SGMS1: variants seen among roughly 807,000 people sequenced by gnomAD.
SGMS1 encodes phosphatidylcholine:ceramide cholinephosphotransferase 1.
Under a neutral mutation model 46.2 loss-of-function variants are expected in SGMS1, and 13 were observed. The ratio of observed to expected loss-of-function variants is 0.28; its 90% confidence interval spans 0.18 to 0.45. The LOEUF (loss-of-function observed/expected upper bound fraction) is 0.45. Ranked by LOEUF, SGMS1 falls within the 20% of genes least tolerant of loss-of-function variation. The pLI, the probability that SGMS1 is intolerant of heterozygous loss-of-function variation, is 1.00. For missense variants in SGMS1, 324 were observed against 519.9 expected, an observed-to-expected ratio of 0.62 and a Z score of 3.66; for synonymous variants, 203 against 187.8, an observed-to-expected ratio of 1.08 and a Z score of -0.66.
intron 2 of SGMS1, among the ~76,000 whole-genome samples, chr10:50,558,418 T>A (rs1194412623): frequency 6.6e-6 from 1 of 152,144 alleles, no homozygotes; most frequent in East Asian, 1.9e-4. Flanking sequence ...AGTGAACAGG[T>A]TACTCCTGGC....
At chr10:50,383,515 G>T (rs541663157) in intron 6 of SGMS1, among the ~76,000 whole-genome samples, 1 of 152,050 alleles carries the variant, frequency 6.6e-6, no homozygotes, top group Non-Finnish European at 1.5e-5. Flanking sequence ...AGGAAAGTTT[G>T]GAAAAGGTGG....
At chr10:50,534,353 A>G (rs1342655531) in intron 2 of SGMS1, among the ~76,000 whole-genome samples, 1 of 152,252 alleles carries the variant, frequency 6.6e-6, no homozygotes, top group Non-Finnish European at 1.5e-5. Context: ...CATTGTGGAC[A>G]TTGGCTCAAT....
At chr10:50,359,252 C>G (rs1848206794) in intron 6 of SGMS1, among the ~76,000 whole-genome samples, 4 of 152,150 alleles carry the variant, frequency 2.6e-5, no homozygotes, top group Admixed American at 2.6e-4. Context: ...TTGGTCTCCT[C>G]CACACTGTGT....
intron 2 of SGMS1, among the ~76,000 whole-genome samples, chr10:50,580,916 G>C (rs1033010243): frequency 6.6e-6 from 1 of 152,094 alleles, no homozygotes; most frequent in African/African-American, 2.4e-5. Context: ...ATTTTATGTT[G>C]TGTGTTTTTA....
chr10:50,338,698 C>T (rs1331964946), intron 7 of SGMS1, among the ~76,000 whole-genome samples: 3 of 151,778 alleles, frequency 2.0e-5, no homozygotes, highest in East Asian at 1.9e-4. Flanking sequence ...CAAATGTTAA[C>T]TGAGTCTAAG....
At chr10:50,492,438 A>G (rs1168742400) in intron 3 of SGMS1, among the ~76,000 whole-genome samples, 1 of 152,248 alleles carries the variant, frequency 6.6e-6, no homozygotes, top group Non-Finnish European at 1.5e-5. Context: ...TTAAGCTGAT[A>G]AACAACTTCA....
At chr10:50,550,708 T>C (rs1838141543) in intron 2 of SGMS1, among the ~76,000 whole-genome samples, 1 of 152,166 alleles carries the variant, frequency 6.6e-6, no homozygotes, top group Non-Finnish European at 1.5e-5. Context: ...TTACCTCTGC[T>C]TAAACCCTTG....
chr10:50,374,978 T>G (rs1267739501), intron 6 of SGMS1, among the ~76,000 whole-genome samples: 1 of 152,038 alleles, frequency 6.6e-6, no homozygotes, highest in African/African-American at 2.4e-5. Flanking sequence ...AGGTGAAAAG[T>G]AAGATAATCT....
At chr10:50,495,776 AAG>A (rs1837610150) in intron 3 of SGMS1, among the ~76,000 whole-genome samples, 2 of 151,844 alleles carry the variant, frequency 1.3e-5, no homozygotes, top group Non-Finnish European at 2.9e-5. Flanking sequence ...TAAAAAAAAA[AAG>A]AGCAAAGTTT....
intron 1 of SGMS1, among the ~76,000 whole-genome samples, chr10:50,606,443 CT>C (rs1372882889): frequency 1.3e-5 from 2 of 152,084 alleles, no homozygotes; most frequent in Non-Finnish European, 2.9e-5. Flanking sequence ...GAACTGTATA[CT>C]TAAAAATTGT....
chr10:50,368,538 TA>T (rs1361036059), intron 6 of SGMS1, among the ~76,000 whole-genome samples: 1 of 152,172 alleles, frequency 6.6e-6, no homozygotes, highest in East Asian at 1.9e-4. Context: ...TGTATTTTTG[TA>T]GAGACAGGGT....
At chr10:50,495,089 T>C (rs536056191) in intron 3 of SGMS1, among the ~76,000 whole-genome samples, 1 of 86,822 alleles carries the variant, frequency 1.2e-5, no homozygotes, top group South Asian at 3.4e-4. Flanking sequence ...AAAAAAAAAA[T>C]TAGCCGGACG....
At chr10:50,408,526 A>G (rs946706227) in intron 6 of SGMS1, among the ~76,000 whole-genome samples, 2 of 151,890 alleles carry the variant, frequency 1.3e-5, no homozygotes, top group African/African-American at 4.8e-5. Context: ...TACTAAAAAT[A>G]CAAAAAATTA....
chr10:50,404,311 AT>A (rs534874395), intron 6 of SGMS1, among the ~76,000 whole-genome samples: 4,139 of 142,612 alleles, frequency 0.029, 119 homozygotes, highest in African/African-American at 0.079. Flanking sequence ...TTTTGTTTTG[AT>A]TTTTTTTTTT....
chr10:50,479,559 G>A (rs1011458035), intron 3 of SGMS1, among the ~76,000 whole-genome samples: 1 of 152,064 alleles, frequency 6.6e-6, no homozygotes, highest in Admixed American at 6.6e-5. Context: ...AAATCTTTCT[G>A]AACCGCATTA....
chr10:50,414,559 A>G (rs939949494), intron 6 of SGMS1, among the ~76,000 whole-genome samples: 6 of 152,238 alleles, frequency 3.9e-5, no homozygotes, highest in Non-Finnish European at 5.9e-5. Flanking sequence ...TGCTTTAAGC[A>G]CTTTACATGG....
intron 6 of SGMS1, among the ~76,000 whole-genome samples, chr10:50,399,905 T>C (rs920562020): frequency 4.2e-4 from 63 of 151,620 alleles, no homozygotes; most frequent in African/African-American, 1.5e-3. Context: ...GGTGGGCGCC[T>C]GTAGTCCCAG....
chr10:50,618,963 ACCACTAC>A (rs1283301438), intron 1 of SGMS1, among the ~76,000 whole-genome samples: 8 of 152,040 alleles, frequency 5.3e-5, no homozygotes, highest in African/African-American at 1.9e-4. Context: ...TACTTTAAGA[ACCACTAC>A]CCTAGGGATA....
intron 7 of SGMS1, among the ~76,000 whole-genome samples, chr10:50,332,960 A>G (rs1847652160): frequency 1.3e-5 from 2 of 151,960 alleles, no homozygotes; most frequent in Admixed American, 1.3e-4. Flanking sequence ...CACAAACTCA[A>G]TTTCTTGCTT....
Sources: allele counts gnomAD v4.1 joint callset (sites outside exome capture counted in the v4.1 genomes callset), GRCh38; gene constraint gnomAD v4.1.1; transcripts MANE v1.5; gene names NCBI Gene and HGNC (gene_info 2026-07-23, HGNC 2026-07-21).